Variants in RBFOX1 observed in about 807,000 individuals in gnomAD.
The protein encoded by RBFOX1 is RNA binding protein fox-1 homolog 1.
In RBFOX1, 8 loss-of-function variants were observed where a neutral mutation model predicts 57.7. The ratio of observed to expected loss-of-function variants is 0.14; its 90% CI spans 0.08 to 0.25. The LOEUF (loss-of-function observed/expected upper bound fraction) is 0.25. RBFOX1 is among the 10% of genes least tolerant of loss of function. The pLI is 1.00. For missense variants in RBFOX1, 611 were observed against 548.5 expected (o/e 1.11, Z -1.14); for synonymous variants, 326 against 222.4 (o/e 1.47, Z -4.15).
At chr16:7,229,427 C>A (rs147175439) in intron 4 of RBFOX1, among the ~76,000 whole-genome samples, 147 of 152,120 alleles carry the variant, frequency 9.7e-4, no homozygotes, top group African/African-American at 3.2e-3. Flanking sequence ...TCACATCTTC[C>A]TGTCATCTAT....
At chr16:6,873,976 A>G (rs1331986067) in intron 3 of RBFOX1, 1 of 152,220 alleles carries the variant, frequency 6.6e-6, no homozygotes, top group African/African-American at 2.4e-5. Flanking sequence ...CAACGATGAC[A>G]TGGGAATTTG....
chr16:6,490,317 G>C (rs1184112008), intron 2 of RBFOX1, among the ~76,000 whole-genome samples: 5 of 152,216 alleles, frequency 3.3e-5, no homozygotes, highest in Non-Finnish European at 5.9e-5. Flanking sequence ...GACAGAAGTA[G>C]AGAGCGTCAA....
intron 5 of RBFOX1, among the ~76,000 whole-genome samples, chr16:7,525,705 T>G (rs1957239469): frequency 2.0e-5 from 3 of 152,272 alleles, no homozygotes; most frequent in South Asian, 4.1e-4. Context: ...AAAATTGAGG[T>G]GTGCTGCCAT....
intron 3 of RBFOX1, among the ~76,000 whole-genome samples, chr16:6,852,176 C>T (rs1466727086): frequency 1.3e-5 from 2 of 152,134 alleles, no homozygotes; most frequent in Non-Finnish European, 2.9e-5. Flanking sequence ...CACTGGCCTG[C>T]AACCAAGGTT....
intron 1 of RBFOX1, among the ~76,000 whole-genome samples, chr16:5,281,640 T>C (rs2063273947): frequency 6.6e-6 from 1 of 152,226 alleles, no homozygotes; most frequent in Admixed American, 6.5e-5. Context: ...AGAATTGTTA[T>C]ATTTTGTTGC....
At chr16:6,751,388 A>C (rs2074907476) in intron 3 of RBFOX1, among the ~76,000 whole-genome samples, 1 of 152,094 alleles carries the variant, frequency 6.6e-6, no homozygotes, top group Non-Finnish European at 1.5e-5. Flanking sequence ...GATAAAGAGG[A>C]ACTAGCTAGG....
At chr16:5,240,075 C>T (rs1450711121) in exon 1 of RBFOX1, 1 of 1,531,208 alleles carries the variant, frequency 6.5e-7, no homozygotes, top group African/African-American at 1.4e-5. Context: ...GGGAGGAGAC[C>T]GGCACCCAGA....
intron 3 of RBFOX1, among the ~76,000 whole-genome samples, chr16:6,881,026 T>G (rs1341026398): frequency 6.6e-6 from 1 of 152,154 alleles, no homozygotes; most frequent in African/African-American, 2.4e-5. Context: ...GCCCATACCC[T>G]CCACCTTCCC....
intron 4 of RBFOX1, among the ~76,000 whole-genome samples, chr16:7,368,771 C>G (rs1416408526): frequency 3.2e-5 from 3 of 94,354 alleles, no homozygotes; most frequent in African/African-American, 4.2e-5. Flanking sequence ...CAGAGCGAGA[C>G]TCTGTCTCAA....
At chr16:5,778,189 A>T (rs1396484935) in intron 3 of RBFOX1, among the ~76,000 whole-genome samples, 1 of 152,172 alleles carries the variant, frequency 6.6e-6, no homozygotes, top group African/African-American at 2.4e-5. Context: ...AGGAATGGCA[A>T]TAGTGACTTG....
At chr16:6,600,116 A>T (rs4786107) in intron 2 of RBFOX1, among the ~76,000 whole-genome samples, 2 of 151,876 alleles carry the variant, frequency 1.3e-5, no homozygotes, top group Non-Finnish European at 2.9e-5. Flanking sequence ...CATTTTTCTC[A>T]CTTCCCTTAC....
intron 4 of RBFOX1, among the ~76,000 whole-genome samples, chr16:7,189,380 C>T (rs913178223): frequency 5.6e-5 from 8 of 141,894 alleles, no homozygotes; most frequent in African/African-American, 2.1e-4. Flanking sequence ...GAGCTGAGAT[C>T]GCGCCACTGC....
rs114805323 is a variant in RBFOX1 at position 5,314,719 on chromosome 16, T to G, written c.219+74614T>G. Among the ~76,000 whole-genome samples the G allele has an allele frequency of 6.9e-3, 1,046 of 152,112 alleles. 15 individuals are homozygous for G. Among genetic ancestry groups the G allele is most frequent in the African/African-American group, 0.024 (993 of 41,506 alleles). The stretch of plus-strand genomic sequence containing the variant: ...TCTTGTTATGTTGCCTAGGCTGGCC[T>G]TGAACTTCTAGACTCAAGCAATCCT... On this transcript the variant is annotated intron_variant, in intron 1 of 2. Transcript: ENST00000585867.
chr16:5,417,678 G>A (rs2067197146), intron 1 of RBFOX1, among the ~76,000 whole-genome samples: 1 of 152,208 alleles, frequency 6.6e-6, no homozygotes, highest in Non-Finnish European at 1.5e-5. Flanking sequence ...CCATTTTCAG[G>A]AAGTCTGCCT....
At chr16:6,067,870 A>C (rs73523822) in intron 1 of RBFOX1, among the ~76,000 whole-genome samples, 5,398 of 152,314 alleles carry the variant, frequency 0.035, 174 homozygotes, top group South Asian at 0.13. Flanking sequence ...CTAGACACTT[A>C]AGCATATGTG....
At chr16:6,865,644 T>C (rs1192651312) in intron 3 of RBFOX1, among the ~76,000 whole-genome samples, 1 of 152,258 alleles carries the variant, frequency 6.6e-6, no homozygotes, top group Non-Finnish European at 1.5e-5. Flanking sequence ...GTATTCTTCA[T>C]GACGTGTGAT....
At chr16:7,308,850 A>G (rs139871661) in intron 4 of RBFOX1, among the ~76,000 whole-genome samples, 37 of 152,346 alleles carry the variant, frequency 2.4e-4, no homozygotes, top group African/African-American at 8.7e-4. Flanking sequence ...GGTCATAACA[A>G]TTATGACTGT....
chr16:7,355,665 CA>C (rs1204162168), intron 4 of RBFOX1, among the ~76,000 whole-genome samples: 6 of 152,194 alleles, frequency 3.9e-5, no homozygotes, highest in Admixed American at 3.3e-4. Flanking sequence ...TGACGGCACA[CA>C]ATTCTATAAA....
chr16:5,867,113 A>G (rs2057359864), intron 3 of RBFOX1, among the ~76,000 whole-genome samples: 1 of 151,834 alleles, frequency 6.6e-6, no homozygotes. Flanking sequence ...GGGCTGGATA[A>G]ACAAATCATG....
Sources: allele counts gnomAD v4.1 joint callset (sites outside exome capture counted in the v4.1 genomes callset), GRCh38; gene constraint gnomAD v4.1.1; transcripts MANE v1.5; gene names NCBI Gene and HGNC (gene_info 2026-07-23, HGNC 2026-07-21).